CDC14A: variants seen among roughly 807,000 people sequenced by gnomAD.
CDC14A encodes cell division cycle 14A.
A neutral mutation model predicts 74.4 loss-of-function variants in CDC14A; 53 were observed. The observed-to-expected ratio is 0.71, with a 90% CI of 0.57 to 0.89. CDC14A has a LOEUF of 0.89. CDC14A is among the 40% of genes least tolerant of loss of function. CDC14A has a pLI of 0.00. For missense variants in CDC14A, 646 were observed against 713.7 expected, an observed-to-expected ratio of 0.91 and a Z score of 1.08; for synonymous variants, 247 against 258.4, an observed-to-expected ratio of 0.96 and a Z score of 0.43.
intron 15 of CDC14A, among the ~76,000 whole-genome samples, chr1:100,516,185 A>G (rs1321106052): frequency 6.6e-6 from 1 of 152,224 alleles, no homozygotes; most frequent in Non-Finnish European, 1.5e-5. Flanking sequence ...AAAATGTTCT[A>G]GACTATTTCT....
intron 15 of CDC14A, among the ~76,000 whole-genome samples, chr1:100,505,158 A>C (rs1649120589): frequency 6.6e-6 from 1 of 152,238 alleles, no homozygotes; most frequent in African/African-American, 2.4e-5. Flanking sequence ...CATTTGGTTG[A>C]AAGTTGAAAG....
chr1:100,432,888 CTTTA>C (rs1349337843), intron 5 of CDC14A, among the ~76,000 whole-genome samples: 2 of 151,906 alleles, frequency 1.3e-5, no homozygotes, highest in Admixed American at 6.6e-5. Flanking sequence ...ATACTTTCTC[CTTTA>C]TTTATTTGTT....
chr1:100,347,395 A>C (rs1259699767), intron 1 of CDC14A, among the ~76,000 whole-genome samples: 1 of 152,274 alleles, frequency 6.6e-6, no homozygotes, highest in African/African-American at 2.4e-5. Flanking sequence ...AGTTTGATGG[A>C]GTCTGTTTGA....
At chr1:100,350,399 A>G (rs1650842206), upstream of CDC14A, among the ~76,000 whole-genome samples, 1 of 152,244 alleles carries the variant, frequency 6.6e-6, no homozygotes, top group African/African-American at 2.4e-5. Context: ...AGCCCCATGC[A>G]ATATTTTAAA....
intron 9 of CDC14A, 46 bp from the exon 10 acceptor site, chr1:100,467,910 C>T (rs1668005728): frequency 6.6e-7 from 1 of 1,518,626 alleles, no homozygotes; most frequent in South Asian, 1.3e-5. Context: ...TTTGTGGTAG[C>T]ATTTGCTAGA....
chr1:100,480,317 G>A (rs1489934419), intron 10 of CDC14A, among the ~76,000 whole-genome samples: 1 of 152,176 alleles, frequency 6.6e-6, no homozygotes, highest in Non-Finnish European at 1.5e-5. Context: ...GTTGTAACAT[G>A]TATCAGAATT....
intron 4 of CDC14A, among the ~76,000 whole-genome samples, chr1:100,416,900 A>G (rs1421663673): frequency 6.6e-6 from 1 of 152,108 alleles, no homozygotes; most frequent in Non-Finnish European, 1.5e-5. Flanking sequence ...TGGGGAAAGA[A>G]CCTGTGTCTA....
In CDC14A at chr1:100,419,088, A is replaced by AGGTG. The variant is rs578097556; in HGVS notation, c.310-5131_310-5128dup. ...GTAGTCCTAGCTACTTGGGAGGCTG[A>AGGTG]GGTGGGAGGATGGCTTGAGCCTTGG... On this transcript the variant is annotated intron_variant, in intron 4 of 15. Coordinates refer to ENST00000336454, the MANE Select transcript of CDC14A (RefSeq NM_003672.4). Among the ~76,000 whole-genome samples the AGGTG allele has an allele frequency of 4.7e-4, 71 of 152,244 alleles. No homozygotes were observed. In the East Asian group the frequency reaches 0.012, roughly 27 times the overall value.
intron 3 of CDC14A, among the ~76,000 whole-genome samples, chr1:100,389,627 GT>G (rs911656855): frequency 6.0e-5 from 9 of 151,118 alleles, no homozygotes; most frequent in African/African-American, 9.7e-5. Context: ...AGATGGAAGA[GT>G]TTTTTTTTAA....
At chr1:100,492,840 CTGTG>C (rs3081872) in intron 11 of CDC14A, among the ~76,000 whole-genome samples, 138,319 of 149,888 alleles carry the variant, frequency 0.92, 64,420 homozygotes, top group Non-Finnish European at 0.99. Context: ...CTTAGCCCTG[CTGTG>C]TGTGTGTGTG....
At chr1:100,405,560 T>G (rs972690220) in intron 4 of CDC14A, among the ~76,000 whole-genome samples, 2 of 152,216 alleles carry the variant, frequency 1.3e-5, no homozygotes, top group African/African-American at 4.8e-5. Context: ...ACAGTGTGTG[T>G]TGTTCTTCAC....
At chr1:100,428,222 AT>A (rs1187324713) in intron 5 of CDC14A, among the ~76,000 whole-genome samples, 3 of 152,156 alleles carry the variant, frequency 2.0e-5, no homozygotes, top group Non-Finnish European at 4.4e-5. Context: ...AGATAGTTGA[AT>A]TTCTGGCTTG....
chr1:100,492,489 A>T (rs1459920974), intron 11 of CDC14A, among the ~76,000 whole-genome samples: 3 of 152,124 alleles, frequency 2.0e-5, no homozygotes, highest in Non-Finnish European at 4.4e-5. Flanking sequence ...GTTGTTGTAG[A>T]CAGGATGCAG....
chr1:100,518,321 C>A lies in CDC14A; in HGVS notation c.*41C>A. 6.5e-7 allele frequency: 1 copy of A among 1,540,090 alleles called. No homozygotes were observed. Among genetic ancestry groups the A allele is most frequent in the Non-Finnish European group, 9.0e-7 (1 of 1,113,952 alleles). On this transcript the variant is annotated 3_prime_UTR_variant, in exon 16 of 16. Transcript: ENST00000336454. ...GTGAAAGCTGTTCTTCTCTTAGACACAATTTCTTCATCTGGACGAGCAGTG... is the reference window on the plus strand; with the variant it reads ...GTGAAAGCTGTTCTTCTCTTAGACAAAATTTCTTCATCTGGACGAGCAGTG...
In CDC14A at chr1:100,393,209, C is replaced by T. The variant is rs138609505; in HGVS notation, c.309+2385C>T. The T allele has an allele frequency of 1.1e-4, 183 of 1,594,464 alleles. No homozygotes were observed. The African/African-American group carries it at 2.3e-3, about 20-fold the overall frequency. On this transcript the variant is annotated intron_variant, in intron 4 of 15. Coordinates refer to ENST00000336454, the MANE Select transcript of CDC14A (RefSeq NM_003672.4). ...CAGCTGTGAGTTGCATGTTCTTTCT[C>T]TGCCAGTTTAAATCTTGAATATGTT...
At chr1:100,416,660 A>C (rs1165781968) in intron 4 of CDC14A, among the ~76,000 whole-genome samples, 1 of 152,230 alleles carries the variant, frequency 6.6e-6, no homozygotes, top group Non-Finnish European at 1.5e-5. Context: ...AGATTCACCC[A>C]GAGACAGATG....
At chr1:100,444,622 C>T (rs896773966) in intron 7 of CDC14A, among the ~76,000 whole-genome samples, 2 of 152,166 alleles carry the variant, frequency 1.3e-5, no homozygotes, top group African/African-American at 4.8e-5. Flanking sequence ...TTCCCAGATT[C>T]CCATCCTTTT....
At chr1:100,474,836 C>T (rs1467031149) in intron 10 of CDC14A, among the ~76,000 whole-genome samples, 1 of 151,292 alleles carries the variant, frequency 6.6e-6, no homozygotes, top group Non-Finnish European at 1.5e-5. Context: ...TTTATTATTT[C>T]CTTCTGCTTC....
chr1:100,513,260 CTA>C, intron 15 of CDC14A, among the ~76,000 whole-genome samples: 1 of 151,618 alleles, frequency 6.6e-6, no homozygotes, highest in East Asian at 1.9e-4. Flanking sequence ...ACTTAAAACA[CTA>C]TAGTTATGTA....
Sources: allele counts gnomAD v4.1 joint callset (sites outside exome capture counted in the v4.1 genomes callset), GRCh38; gene constraint gnomAD v4.1.1; transcripts MANE v1.5; gene names NCBI Gene and HGNC (gene_info 2026-07-23, HGNC 2026-07-21).